The following KCNIP4 variants were observed in gnomAD, a reference collection of about 807,000 sequenced individuals.
The protein encoded by KCNIP4 is potassium voltage-gated channel interacting protein 4, also known as Kv channel-interacting protein 4.
KCNIP4 carries 12 observed loss-of-function variants against 34.0 expected under a neutral mutation model. The ratio of observed to expected loss-of-function variants is 0.35; its 90% CI spans 0.23 to 0.57. The LOEUF is 0.57. Among genes scored for constraint, KCNIP4 ranks in the 20% least tolerant of loss-of-function variants. The probability of loss-of-function intolerance (pLI) is 0.83; values close to 1 mark genes in which losing one functional copy is unlikely to be tolerated. For missense variants in KCNIP4, 238 were observed against 311.7 expected (o/e 0.76, Z 1.78); for synonymous variants, 124 against 102.2 (o/e 1.21, Z -1.29).
At chr4:21,580,632 T>C (rs1211115174) in intron 1 of KCNIP4, among the ~76,000 whole-genome samples, 2 of 152,140 alleles carry the variant, frequency 1.3e-5, no homozygotes, top group African/African-American at 4.8e-5. Flanking sequence ...ATGTTTAAAA[T>C]GATCATTCTC....
intron 1 of KCNIP4, among the ~76,000 whole-genome samples, chr4:21,434,889 G>C (rs1326677986): frequency 1.3e-5 from 2 of 151,946 alleles, no homozygotes; most frequent in African/African-American, 4.8e-5. Context: ...GGGTGTTCTA[G>C]ATAAGTTACT....
intron 1 of KCNIP4, among the ~76,000 whole-genome samples, chr4:21,132,911 G>A (rs1169198242): frequency 5.3e-5 from 8 of 150,804 alleles, no homozygotes; most frequent in South Asian, 4.2e-4. Context: ...TACTTGGGAC[G>A]CTGAGGCAGG....
chr4:21,698,257 A>G (rs563020936), intron 1 of KCNIP4, among the ~76,000 whole-genome samples: 21 of 152,320 alleles, frequency 1.4e-4, no homozygotes, highest in African/African-American at 5.1e-4. Context: ...AGGTATTTGG[A>G]AATTAGGATA....
chr4:21,223,601 A>G (rs1253664236), intron 1 of KCNIP4, among the ~76,000 whole-genome samples: 2 of 152,214 alleles, frequency 1.3e-5, no homozygotes, highest in African/African-American at 4.8e-5. Flanking sequence ...AATACTGCAA[A>G]GCATGTAGAA....
chr4:21,012,577 A>G (rs935385384), intron 1 of KCNIP4, among the ~76,000 whole-genome samples: 12 of 152,294 alleles, frequency 7.9e-5, no homozygotes, highest in East Asian at 1.9e-4. Context: ...GAATCAAAGC[A>G]AAACAAAACA....
chr4:20,837,435 T>C (rs1719175850), intron 3 of KCNIP4, among the ~76,000 whole-genome samples: 1 of 151,978 alleles, frequency 6.6e-6, no homozygotes, highest in Non-Finnish European at 1.5e-5. Flanking sequence ...TGAACACATT[T>C]AAATGGGGAT....
At chr4:21,455,830 TA>T (rs1577388420) in intron 1 of KCNIP4, among the ~76,000 whole-genome samples, 20 of 112,740 alleles carry the variant, frequency 1.8e-4, no homozygotes, top group African/African-American at 5.9e-4. Context: ...TATATATATA[TA>T]TATATATATA....
In KCNIP4 at chr4:21,437,551, G is replaced by C. The variant is rs115660590; in HGVS notation, c.61+511020C>G. On this transcript the variant is annotated intron_variant, in intron 1 of 8. Transcript: ENST00000382152. ...CAGTGAACGCTATTTTAAATCCACT[G>C]TCTCAGGCCCAGCAATTTTGGATGC... is the stretch of plus-strand genomic sequence containing the variant. 5.4e-3 allele frequency among the ~76,000 whole-genome samples: 822 copies of C among 152,244 alleles called. 5 individuals carry two copies. Among genetic ancestry groups the C allele is most frequent in the Non-Finnish European group, 7.6e-3 (520 of 68,014 alleles).
At position 21,009,796 on chromosome 4, in the gene KCNIP4, A is replaced by T. The variant is rs1445842366; in HGVS notation, c.62-127087T>A. Among the ~76,000 whole-genome samples, 3 of 152,216 alleles carry T rather than the reference A, an allele frequency of 2.0e-5. No individual in the cohort carries two copies. In the East Asian group the frequency reaches 5.8e-4, roughly 29 times the overall value. ...CGCCTCTGAGCTGCTTCAGGCACGC[A>T]TTCTGAAAAGACGTTCACACAGGGA... On this transcript the variant is annotated intron_variant, in intron 1 of 8. Transcript: ENST00000382152.
At chr4:20,894,426 G>C (rs1430047705) in intron 1 of KCNIP4, among the ~76,000 whole-genome samples, 1 of 152,144 alleles carries the variant, frequency 6.6e-6, no homozygotes, top group African/African-American at 2.4e-5. Context: ...CTTAGGTATT[G>C]TCTAGGCTAC....
chr4:21,724,627 C>T (rs1441440740), intron 1 of KCNIP4, among the ~76,000 whole-genome samples: 1 of 151,122 alleles, frequency 6.6e-6, no homozygotes, highest in African/African-American at 2.4e-5. Context: ...GAAAAAAATA[C>T]CGTATTTCCC....
chr4:20,906,325 G>C (rs1727766224), intron 1 of KCNIP4, among the ~76,000 whole-genome samples: 1 of 152,020 alleles, frequency 6.6e-6, no homozygotes, highest in Admixed American at 6.6e-5. Context: ...TCCCTTATCA[G>C]TCCCTTACCC....
chr4:21,875,664 C>T (rs778329523), intron 1 of KCNIP4, among the ~76,000 whole-genome samples: 2 of 152,122 alleles, frequency 1.3e-5, no homozygotes, highest in Admixed American at 6.6e-5. Flanking sequence ...GAGAGAAGAA[C>T]ATTGTATCCT....
chr4:21,086,844 T>G (rs557739293), intron 1 of KCNIP4, among the ~76,000 whole-genome samples: 11 of 152,112 alleles, frequency 7.2e-5, no homozygotes, highest in African/African-American at 2.2e-4. Flanking sequence ...CACATGTTCC[T>G]TTAAGTGGCA....
At chr4:21,521,964 G>A (rs1441554916) in intron 1 of KCNIP4, among the ~76,000 whole-genome samples, 1 of 152,004 alleles carries the variant, frequency 6.6e-6, no homozygotes, top group East Asian at 1.9e-4. Flanking sequence ...AGAAGCAGCT[G>A]TCTTTCAAGG....
intron 1 of KCNIP4, among the ~76,000 whole-genome samples, chr4:21,335,591 T>C (rs554692522): frequency 3.3e-5 from 5 of 152,312 alleles, no homozygotes; most frequent in Admixed American, 3.3e-4. Context: ...CAGAGTTAAG[T>C]GGGCATAAAA....
chr4:21,695,497 G>T (rs1056076933), intron 1 of KCNIP4, among the ~76,000 whole-genome samples: 1 of 151,464 alleles, frequency 6.6e-6, no homozygotes, highest in Non-Finnish European at 1.5e-5. Context: ...TTCCAAATAC[G>T]CATTGAATAA....
chr4:21,011,936 C>T (rs1321315699), intron 1 of KCNIP4, among the ~76,000 whole-genome samples: 1 of 152,140 alleles, frequency 6.6e-6, no homozygotes. Context: ...GAATTGTCTC[C>T]TAACTGGATT....
intron 1 of KCNIP4, among the ~76,000 whole-genome samples, chr4:21,131,385 G>A (rs1751057968): frequency 6.6e-6 from 1 of 152,158 alleles, no homozygotes; most frequent in Non-Finnish European, 1.5e-5. Context: ...GCAGTCGGGT[G>A]GATCACGAGG....
Sources: allele counts gnomAD v4.1 joint callset (sites outside exome capture counted in the v4.1 genomes callset), GRCh38; gene constraint gnomAD v4.1.1; transcripts MANE v1.5; gene names NCBI Gene and HGNC (gene_info 2026-07-23, HGNC 2026-07-21).